Variants in KCTD1 observed in about 807,000 individuals in gnomAD.
The protein encoded by KCTD1 is BTB/POZ domain-containing protein KCTD1.
A neutral mutation model predicts 66.0 loss-of-function variants in KCTD1; 24 were observed. The observed-to-expected ratio is 0.36, with a 90% CI of 0.26 to 0.51. The LOEUF is 0.51. KCTD1 is among the 20% of genes least tolerant of loss of function. The probability of loss-of-function intolerance (pLI) is 0.95; values close to 1 mark genes in which losing one functional copy is unlikely to be tolerated. For missense variants in KCTD1, 943 were observed against 1,205.2 expected, an observed-to-expected ratio of 0.78 and a Z score of 3.22; for synonymous variants, 511 against 517.2, an observed-to-expected ratio of 0.99 and a Z score of 0.16.
chr18:26,616,723 T>C, intron 1 of KCTD1, among the ~76,000 whole-genome samples: 1 of 151,716 alleles, frequency 6.6e-6, no homozygotes, highest in Non-Finnish European at 1.5e-5. Flanking sequence ...CAGGTCTGGT[T>C]ACTCAGGCTG....
At chr18:26,646,853 G>A (rs1319080994) in intron 1 of KCTD1, among the ~76,000 whole-genome samples, 1 of 152,164 alleles carries the variant, frequency 6.6e-6, no homozygotes, top group Admixed American at 6.5e-5. Context: ...AGAATAGCAT[G>A]TGCAAAGATT....
intron 1 of KCTD1, among the ~76,000 whole-genome samples, chr18:26,592,599 A>T (rs574496044): frequency 1.3e-5 from 2 of 152,288 alleles, no homozygotes; most frequent in Admixed American, 1.3e-4. Context: ...CATGAGCCCT[A>T]TATGTTCTTG....
At chr18:26,623,404 G>A (rs1987431787) in intron 1 of KCTD1, among the ~76,000 whole-genome samples, 1 of 152,098 alleles carries the variant, frequency 6.6e-6, no homozygotes, top group Non-Finnish European at 1.5e-5. Flanking sequence ...ACGTGTCATG[G>A]GAGGGACTCA....
At chr18:26,480,186 A>C (rs1425009672) in intron 2 of KCTD1, among the ~76,000 whole-genome samples, 1 of 151,924 alleles carries the variant, frequency 6.6e-6, no homozygotes, top group East Asian at 1.9e-4. Context: ...TATTTTGAAC[A>C]ATTTCAAACT....
intron 1 of KCTD1, among the ~76,000 whole-genome samples, chr18:26,511,178 G>T (rs1342409930): frequency 6.6e-6 from 1 of 152,132 alleles, no homozygotes; most frequent in Non-Finnish European, 1.5e-5. Context: ...TCAGAATAAA[G>T]AAATACAAGA....
chr18:26,529,048 C>A (rs1020624649), intron 1 of KCTD1, among the ~76,000 whole-genome samples: 1 of 152,184 alleles, frequency 6.6e-6, no homozygotes, highest in Non-Finnish European at 1.5e-5. Context: ...ACCTGCTTAT[C>A]CAACATTTCC....
At chr18:26,620,348 T>TAAAAAAAA (rs10594272) in intron 1 of KCTD1, among the ~76,000 whole-genome samples, 5 of 87,206 alleles carry the variant, frequency 5.7e-5, no homozygotes, top group African/African-American at 1.7e-4. Context: ...AGGTAAATCT[T>TAAAAAAAA]AAAAAAAAAA....
At chr18:26,530,149 G>GTTCTTTT (rs1410396057) in intron 1 of KCTD1, among the ~76,000 whole-genome samples, 3 of 152,172 alleles carry the variant, frequency 2.0e-5, no homozygotes, top group Non-Finnish European at 4.4e-5. Context: ...TATGTCTAGA[G>GTTCTTTT]TTCTTTTTAC....
At chr18:26,570,189 A>ATAT (rs1481620480) in intron 1 of KCTD1, among the ~76,000 whole-genome samples, 1 of 88,770 alleles carries the variant, frequency 1.1e-5, no homozygotes, top group African/African-American at 3.0e-5. Context: ...CCATCTAAAA[A>ATAT]AAATATATAT....
At chr18:26,591,073 G>T (rs1986591066) in intron 1 of KCTD1, among the ~76,000 whole-genome samples, 2 of 152,076 alleles carry the variant, frequency 1.3e-5, no homozygotes, top group Non-Finnish European at 2.9e-5. Context: ...GTCTTGCTCT[G>T]TTGCTCAGGC....
intron 3 of KCTD1, among the ~76,000 whole-genome samples, chr18:26,471,388 C>G (rs949089750): frequency 1.4e-4 from 21 of 151,936 alleles, no homozygotes; most frequent in African/African-American, 5.1e-4. Context: ...GGGCTGAAAT[C>G]CTGTGTGGGA....
chr18:26,546,734 G>C lies in KCTD1; in HGVS notation c.1803C>G (p.Pro601=), dbSNP rs1026252343. 5 of 1,547,172 alleles carry C rather than the reference G, an allele frequency of 3.2e-6. No homozygotes were observed. The African/African-American group carries it at 6.9e-5, about 21-fold the overall frequency. The stretch of plus-strand genomic sequence containing the variant: ...TAGAGTTTGGTTTGGTTACCTGGGT[G>C]GGGGAAACAATAGCAGGTGAAACTA... ...PTIVSPAIVS[P]TQDSRPNMSR... The change falls in exon 1 of 5, where the codon CCC becomes CCG. Residue 601 remains proline (P), a synonymous_variant. Transcript: ENST00000580059.
At chr18:26,529,354 A>C (rs946428253) in intron 1 of KCTD1, among the ~76,000 whole-genome samples, 10 of 152,128 alleles carry the variant, frequency 6.6e-5, no homozygotes, top group Non-Finnish European at 1.3e-4. Flanking sequence ...TTGCACCTTG[A>C]ACTCTTCAGC....
chr18:26,548,133 GC>G lies in KCTD1; in HGVS notation c.403del (p.Ala135ArgfsTer34). On this transcript the variant is annotated frameshift_variant, in exon 1 of 5. Coordinates refer to ENST00000580059, the MANE Select transcript of KCTD1 (RefSeq NM_001142730.3). LOFTEE classifies it high-confidence loss of function. ...CCGGGGCGCCAGCAGTCGCGGCGGC[GC>G]CTCGGGCTCCAGCGCGGCGCTCTGG... ...MDQSAALEPE[A>X]PPRLLAPRAR... is the part of the protein sequence containing the mutation. 1 of 1,322,952 alleles carries G rather than the reference GC, an allele frequency of 7.6e-7. No homozygotes were observed. 82.0% of individuals were successfully genotyped at this position (1,322,952 alleles called of 1,614,324 possible).
chr18:26,598,406 TG>T (rs1251354080), intron 1 of KCTD1, among the ~76,000 whole-genome samples: 2 of 152,080 alleles, frequency 1.3e-5, no homozygotes, highest in Non-Finnish European at 2.9e-5. Flanking sequence ...CTATTATAAA[TG>T]ACGCTGGAAT....
chr18:26,460,224 T>G (rs1286646048), intron 3 of KCTD1, among the ~76,000 whole-genome samples: 1 of 152,220 alleles, frequency 6.6e-6, no homozygotes, highest in African/African-American at 2.4e-5. Flanking sequence ...ACCACTATTA[T>G]TCCCATTTTG....
At chr18:26,503,240 T>C (rs572833120) in intron 1 of KCTD1, among the ~76,000 whole-genome samples, 11 of 152,132 alleles carry the variant, frequency 7.2e-5, no homozygotes, top group African/African-American at 2.2e-4. Context: ...AAAATAGATA[T>C]TGAAAAACAC....
chr18:26,469,821 A>T (rs1032887546), intron 3 of KCTD1, among the ~76,000 whole-genome samples: 1 of 152,168 alleles, frequency 6.6e-6, no homozygotes, highest in Non-Finnish European at 1.5e-5. Context: ...CCAACACACA[A>T]TGTCCTCTGG....
At chr18:26,568,679 C>T (rs989647752) in intron 1 of KCTD1, among the ~76,000 whole-genome samples, 4 of 152,112 alleles carry the variant, frequency 2.6e-5, no homozygotes, top group African/African-American at 4.8e-5. Context: ...AAGTAATTAA[C>T]ATGATCCATG....
Sources: gnomAD v4.1 joint callset for allele counts (sites outside exome capture counted in the v4.1 genomes callset) on GRCh38, gnomAD v4.1.1 for gene constraint, MANE v1.5 for transcripts, NCBI Gene and HGNC (gene_info 2026-07-23, HGNC 2026-07-21) for gene names.